KSR1: variants seen among roughly 807,000 people sequenced by gnomAD.
KSR1 encodes the protein kinase suppressor of ras.
Under a neutral mutation model 92.9 loss-of-function variants are expected in KSR1, and 35 were observed. The observed-to-expected ratio is 0.38, with a 90% CI of 0.29 to 0.50. KSR1 has a LOEUF of 0.50. KSR1 is among the 20% of genes least tolerant of loss of function. The pLI, the probability that KSR1 is intolerant of heterozygous loss-of-function variation, is 0.94. For synonymous variants in KSR1, 467 were observed against 472.6 expected (o/e 0.99, Z 0.15); for missense variants, 972 against 1,158.5 (o/e 0.84, Z 2.34).
intron 1 of KSR1, among the ~76,000 whole-genome samples, chr17:27,494,722 T>C (rs1202927244): frequency 6.6e-6 from 1 of 152,242 alleles, no homozygotes; most frequent in Non-Finnish European, 1.5e-5. Context: ...AAAATCTTGA[T>C]GGAGCTGTTT....
At chr17:27,526,676 T>C (rs2070313638) in intron 1 of KSR1, 2 of 1,541,600 alleles carry the variant, frequency 1.3e-6, no homozygotes, top group African/African-American at 2.7e-5. Flanking sequence ...GTAGTTTTTA[T>C]TGGCTGTTAT....
chr17:27,592,345 T>C lies in KSR1; in HGVS notation c.1131-16T>C. The C allele has an allele frequency of 1.9e-6, 3 of 1,613,016 alleles. No individual in the cohort carries two copies. The highest frequency in any genetic ancestry group is 2.5e-6 in the Non-Finnish European group (3 of 1,179,102). On this transcript the variant is annotated splice_polypyrimidine_tract_variant and intron_variant, in intron 7 of 20. Coordinates refer to ENST00000644974, the MANE Select transcript of KSR1 (RefSeq NM_001394583.1). ...CCATGTGGTGCTTTGCACACCAACC[T>C]CCCCTTCTTTACCAGGTTGAAGTGT...
At chr17:27,518,343 C>G (rs978047528) in intron 1 of KSR1, among the ~76,000 whole-genome samples, 3 of 152,184 alleles carry the variant, frequency 2.0e-5, no homozygotes, top group Non-Finnish European at 4.4e-5. Context: ...GGTGGAGTAG[C>G]TGCACTTGTG....
chr17:27,468,119 AT>A (rs990830231), intron 1 of KSR1, among the ~76,000 whole-genome samples: 2,347 of 143,220 alleles, frequency 0.016, 46 homozygotes, highest in African/African-American at 0.048. Flanking sequence ...GCCCGGCCAT[AT>A]TTTTTTTTTT....
intron 1 of KSR1, among the ~76,000 whole-genome samples, chr17:27,468,519 G>A (rs536876999): frequency 6.6e-6 from 1 of 152,272 alleles, no homozygotes; most frequent in Admixed American, 6.5e-5. Flanking sequence ...GTGAGCCACC[G>A]TGCCTGGCCT....
At chr17:27,552,333 A>G (rs1270799775) in intron 2 of KSR1, among the ~76,000 whole-genome samples, 2 of 152,172 alleles carry the variant, frequency 1.3e-5, no homozygotes, top group African/African-American at 2.4e-5. Flanking sequence ...TGTCGGGCCC[A>G]ATATGGCAGT....
intron 2 of KSR1, among the ~76,000 whole-genome samples, chr17:27,569,856 G>A (rs530733192): frequency 6.6e-6 from 1 of 152,306 alleles, no homozygotes; most frequent in South Asian, 2.1e-4. Flanking sequence ...TTATACCTCT[G>A]GATTTATAGA....
chr17:27,561,407 C>T (rs960719467), intron 2 of KSR1, among the ~76,000 whole-genome samples: 1 of 152,176 alleles, frequency 6.6e-6, no homozygotes. Context: ...TACCTTTTAC[C>T]TGGTACCTTG....
rs2074310641 is a variant in KSR1 at position 27,625,057 on chromosome 17, G to GTC, written c.*1666_*1667insCT. 6.6e-6 allele frequency: 1 copy of GTC among 152,436 alleles called. No individual in the cohort carries two copies. Among genetic ancestry groups the GTC allele is most frequent in the East Asian group, 1.9e-4 (1 of 5,186 alleles). The allele number at this position is 152,436 out of a possible 1,614,324, so 9.4% of individuals were successfully genotyped here. ...CTGTAAACCCCGTGGATTCAGCTCC[G>GTC]TGTGGAGTTTCTGTGCTATGGTGGG... On this transcript the variant is annotated 3_prime_UTR_variant, in exon 21 of 21. Coordinates refer to ENST00000644974, the MANE Select transcript of KSR1 (RefSeq NM_001394583.1).
rs998123095 is a variant in KSR1, at chr17:27,459,407, G to A, written c.231+2533G>A. 6.6e-6 allele frequency among the ~76,000 whole-genome samples: 1 copy of A among 152,222 alleles called. No individual in the cohort carries two copies. Among genetic ancestry groups the A allele is most frequent in the Non-Finnish European group, 1.5e-5 (1 of 68,038 alleles). ...TGGGTTCAGTAAATCTGGATTTTAG[G>A]GAAAGGTACTTCTGCAGCTGCCTCT... is the stretch of plus-strand genomic sequence containing the variant. On this transcript the variant is annotated intron_variant, in intron 1 of 20. Transcript: ENST00000644974. This position sits in a 1 kb window ranked among gnomAD's most constrained non-coding sequence, Gnocchi z 4.6.
At chr17:27,579,863 C>T (rs1419500253) in intron 3 of KSR1, 1 of 99,160 alleles carries the variant, frequency 1.0e-5, no homozygotes. Flanking sequence ...GTAACAGAGC[C>T]AGATGCTGTC....
At chr17:27,573,050 C>T (rs1258216987) in intron 2 of KSR1, among the ~76,000 whole-genome samples, 1 of 152,176 alleles carries the variant, frequency 6.6e-6, no homozygotes, top group Non-Finnish European at 1.5e-5. Context: ...TGCATCCTCC[C>T]CCGTTTGCCT....
chr17:27,617,286 C>G lies in KSR1; in HGVS notation c.2494-9C>G. 1 of 1,602,630 alleles carries G rather than the reference C, an allele frequency of 6.2e-7. No individual in the cohort carries two copies. Among genetic ancestry groups the G allele is most frequent in the Non-Finnish European group, 8.5e-7 (1 of 1,172,084 alleles). On this transcript the variant is annotated splice_polypyrimidine_tract_variant and intron_variant, in intron 18 of 20. Coordinates refer to ENST00000644974, the MANE Select transcript of KSR1 (RefSeq NM_001394583.1). The stretch of plus-strand genomic sequence containing the variant: ...GCTCACACACCACTAATGGCAGCTC[C>G]ATTTGCAGGAGATCCTGTCGGCCTG...
At chr17:27,472,422 G>T (rs953292667) in intron 1 of KSR1, among the ~76,000 whole-genome samples, 1 of 152,168 alleles carries the variant, frequency 6.6e-6, no homozygotes, top group Non-Finnish European at 1.5e-5. Context: ...CATAAGCCCC[G>T]GGGGGCTCTG....
intron 1 of KSR1, among the ~76,000 whole-genome samples, chr17:27,491,304 G>GGT (rs60738939): frequency 3.6e-4 from 40 of 110,114 alleles, no homozygotes; most frequent in African/African-American, 1.3e-3. Flanking sequence ...TTTTGTTAGT[G>GGT]GTGTGTGTGT....
intron 1 of KSR1, among the ~76,000 whole-genome samples, chr17:27,465,983 T>C (rs539922127): frequency 1.3e-5 from 2 of 152,360 alleles, no homozygotes; most frequent in South Asian, 2.1e-4. Flanking sequence ...TGTATCTCAC[T>C]GTATTCTGCA....
At chr17:27,483,835 G>A (rs2068585730) in intron 1 of KSR1, 1 of 152,230 alleles carries the variant, frequency 6.6e-6, no homozygotes, top group African/African-American at 2.4e-5. Flanking sequence ...CTGCTGAAGG[G>A]TACATCCTCT....
At chr17:27,485,073 T>C (rs1190209583) in intron 1 of KSR1, among the ~76,000 whole-genome samples, 1 of 152,186 alleles carries the variant, frequency 6.6e-6, no homozygotes, top group African/African-American at 2.4e-5. Flanking sequence ...TGGCTTCCTA[T>C]ACCTGGCCCA....
intron 19 of KSR1, chr17:27,617,652 C>A (rs929697744): frequency 4.0e-6 from 2 of 497,690 alleles, no homozygotes; most frequent in African/African-American, 1.9e-5. Context: ...CTCAGCCTCC[C>A]GAGTAGCTGG....
Sources: allele counts gnomAD v4.1 joint callset (sites outside exome capture counted in the v4.1 genomes callset), GRCh38; gene constraint gnomAD v4.1.1; non-coding constraint Gnocchi (gnomAD v3.1); transcripts MANE v1.5; gene names NCBI Gene and HGNC (gene_info 2026-07-23, HGNC 2026-07-21).